The following WDR7 variants were observed in gnomAD, a reference collection of about 807,000 sequenced individuals.
WDR7 encodes WD repeat domain 7, also known as WD repeat-containing protein 7.
Under a neutral mutation model 169.4 loss-of-function variants are expected in WDR7, and 46 were observed. That is an observed-to-expected ratio of 0.27 (90% CI 0.21 to 0.35). The LOEUF is 0.35. Ranked by LOEUF, WDR7 falls within the 10% of genes least tolerant of loss-of-function variation. The pLI, the probability that WDR7 is intolerant of heterozygous loss-of-function variation, is 1.00. For missense variants in WDR7, 1,534 were observed against 1,859.3 expected, an observed-to-expected ratio of 0.83 and a Z score of 3.22; for synonymous variants, 612 against 666.8, an observed-to-expected ratio of 0.92 and a Z score of 1.27.
chr18:56,924,505 C>G (rs1039416772), intron 22 of WDR7, among the ~76,000 whole-genome samples: 3 of 152,150 alleles, frequency 2.0e-5, no homozygotes, highest in South Asian at 2.1e-4. Context: ...CTCATATTAG[C>G]TTTTAAATCA....
At chr18:56,931,919 A>C (rs2046890829) in intron 22 of WDR7, among the ~76,000 whole-genome samples, 1 of 152,184 alleles carries the variant, frequency 6.6e-6, no homozygotes, top group Non-Finnish European at 1.5e-5. Flanking sequence ...TGAGTTGAAA[A>C]TTAGGGAACT....
At chr18:56,788,186 C>G (rs549783772) in intron 19 of WDR7, among the ~76,000 whole-genome samples, 1 of 152,310 alleles carries the variant, frequency 6.6e-6, no homozygotes, top group East Asian at 1.9e-4. Context: ...TTTTCATCCT[C>G]TATTCACTAG....
At chr18:56,724,457 C>A (rs1236123407) in intron 13 of WDR7, among the ~76,000 whole-genome samples, 1 of 151,866 alleles carries the variant, frequency 6.6e-6, no homozygotes, top group Non-Finnish European at 1.5e-5. Context: ...GGTGATCCAC[C>A]TGCCTTGGCC....
At chr18:56,752,539 G>A (rs529094055) in intron 14 of WDR7, among the ~76,000 whole-genome samples, 8 of 152,182 alleles carry the variant, frequency 5.3e-5, no homozygotes, top group South Asian at 2.1e-4. Flanking sequence ...TTTCTGACTC[G>A]TCTTGGTTCC....
chr18:57,025,308 G>C (rs1023025283), intron 27 of WDR7, among the ~76,000 whole-genome samples: 5 of 152,172 alleles, frequency 3.3e-5, no homozygotes, highest in African/African-American at 9.7e-5. Flanking sequence ...TACGCCTGTT[G>C]ATGCCAGTTA....
chr18:56,685,832 AT>A (rs2144591694), intron 5 of WDR7, 123 bp from the exon 6 acceptor site: 1 of 757,256 alleles, frequency 1.3e-6, no homozygotes, highest in South Asian at 1.8e-5. Context: ...ATAGAGAATT[AT>A]GTTTTTCTGC....
chr18:57,003,551 G>C (rs536017371), intron 26 of WDR7, among the ~76,000 whole-genome samples: 1 of 152,008 alleles, frequency 6.6e-6, no homozygotes, highest in East Asian at 1.9e-4. Context: ...AAACCATGTT[G>C]TTACTCAGGT....
chr18:57,001,966 C>A (rs1012087589), intron 26 of WDR7, among the ~76,000 whole-genome samples: 3 of 152,120 alleles, frequency 2.0e-5, no homozygotes, highest in Non-Finnish European at 4.4e-5. Flanking sequence ...AATTCTTTAA[C>A]CATGTTAAAT....
rs1245664019 is a variant in WDR7 at position 56,694,629 on chromosome 18, GTCC to G, written c.982_984del (p.Pro328del). 2.5e-6 allele frequency: 4 copies of G among 1,606,990 alleles called. No homozygotes were observed. Among genetic ancestry groups the G allele is most frequent in the East Asian group, 4.5e-5 (2 of 44,700 alleles). ...TACTTTTTTTGGCAGTTGCTAATTT[GTCC>G]TCCTGTTACTCGGTTCTTCTATGGA... On this transcript the variant is annotated inframe_deletion, in exon 10 of 28. Transcript: ENST00000254442.
the WDR7 span, chr18:57,035,678 G>T: frequency 6.6e-6 from 1 of 152,352 alleles, no homozygotes; most frequent in Admixed American, 6.5e-5. Context: ...TGGGCCCCAG[G>T]TATCAAGGAG....
At chr18:56,816,344 G>T (rs1261921322) in intron 20 of WDR7, among the ~76,000 whole-genome samples, 200 bp downstream of exon 20, 1 of 152,152 alleles carries the variant, frequency 6.6e-6, no homozygotes, top group Non-Finnish European at 1.5e-5. Context: ...TTTGGTCCAG[G>T]TTTGCTCATT....
At chr18:56,902,146 G>C (rs1355957820) in intron 21 of WDR7, among the ~76,000 whole-genome samples, 1 of 152,140 alleles carries the variant, frequency 6.6e-6, no homozygotes, top group African/African-American at 2.4e-5. Flanking sequence ...CAGTTGGCTT[G>C]AGTTGAACAG....
intron 19 of WDR7, among the ~76,000 whole-genome samples, chr18:56,785,394 A>C (rs1424010644): frequency 6.6e-6 from 1 of 152,222 alleles, no homozygotes; most frequent in Admixed American, 6.5e-5. Flanking sequence ...AATATATCTG[A>C]CAAATATACC....
chr18:57,008,652 C>T (rs2048097970), intron 26 of WDR7, among the ~76,000 whole-genome samples: 1 of 152,218 alleles, frequency 6.6e-6, no homozygotes, highest in Admixed American at 6.5e-5. Context: ...AACCTTCTCT[C>T]TGTACCTTTT....
chr18:56,855,983 C>A (rs1475772080), intron 20 of WDR7, among the ~76,000 whole-genome samples: 3 of 152,062 alleles, frequency 2.0e-5, no homozygotes, highest in African/African-American at 7.2e-5. Flanking sequence ...AAACTGCATA[C>A]CCTACATGCA....
intron 20 of WDR7, among the ~76,000 whole-genome samples, chr18:56,834,375 G>T (rs565376943): frequency 5.3e-4 from 81 of 152,178 alleles, no homozygotes; most frequent in Middle Eastern, 3.4e-3. Flanking sequence ...GACTCACTGG[G>T]GGTTGGTTAC....
intron 26 of WDR7, among the ~76,000 whole-genome samples, chr18:56,964,209 CA>C (rs370790953): frequency 0.13 from 9,078 of 68,718 alleles, 292 homozygotes; most frequent in African/African-American, 0.21. Flanking sequence ...TGGTAACATG[CA>C]AAAAAAAAAA....
chr18:56,986,900 G>A (rs2047729473), intron 26 of WDR7, among the ~76,000 whole-genome samples: 1 of 89,574 alleles, frequency 1.1e-5, no homozygotes. Context: ...CTCAAGCAGA[G>A]GCCTTTTTTA....
intron 20 of WDR7, among the ~76,000 whole-genome samples, chr18:56,875,628 G>A (rs1280905178): frequency 6.6e-6 from 1 of 152,118 alleles, no homozygotes; most frequent in Non-Finnish European, 1.5e-5. Context: ...CCTTGAAATA[G>A]AAATCCACAG....
Sources: allele counts gnomAD v4.1 joint callset (sites outside exome capture counted in the v4.1 genomes callset), GRCh38; gene constraint gnomAD v4.1.1; transcripts MANE v1.5; gene names NCBI Gene and HGNC (gene_info 2026-07-23, HGNC 2026-07-21).